TBC1D22A: variants seen among roughly 807,000 people sequenced by gnomAD.
TBC1D22A encodes the protein putative GTPase activator.
Under a neutral mutation model 60.2 loss-of-function variants are expected in TBC1D22A, and 38 were observed. The observed-to-expected ratio is 0.63, with a 90% CI of 0.49 to 0.83. TBC1D22A has a LOEUF of 0.83. Among genes scored for constraint, TBC1D22A ranks in the 40% least tolerant of loss-of-function variants. The pLI, the probability that TBC1D22A is intolerant of heterozygous loss-of-function variation, is 0.00. For missense variants in TBC1D22A, 628 were observed against 701.0 expected (o/e 0.90, Z 1.18); for synonymous variants, 302 against 281.7 (o/e 1.07, Z -0.72).
chr22:46,904,150 C>T (rs199848246), intron 7 of TBC1D22A, among the ~76,000 whole-genome samples: 8,393 of 74,120 alleles, frequency 0.11, 607 homozygotes, highest in African/African-American at 0.28. Context: ...TATCTACCTA[C>T]CTACCTACCT....
intron 4 of TBC1D22A, among the ~76,000 whole-genome samples, chr22:46,875,979 A>C (rs569329709): frequency 6.6e-6 from 1 of 152,162 alleles, no homozygotes; most frequent in African/African-American, 2.4e-5. Context: ...TGGCGCTCAC[A>C]GAAGAGATAA....
At chr22:46,773,864 G>A (rs2083590931) in intron 1 of TBC1D22A, 1 of 908,890 alleles carries the variant, frequency 1.1e-6, no homozygotes, top group Non-Finnish European at 1.3e-6. Context: ...AGGAAACTCA[G>A]AAGCTGAGCT....
chr22:47,130,741 T>C (rs1176916267), intron 12 of TBC1D22A, among the ~76,000 whole-genome samples: 3 of 152,178 alleles, frequency 2.0e-5, no homozygotes, highest in African/African-American at 7.2e-5. Context: ...ATCTCTAAGA[T>C]TTTTCTGTGG....
chr22:47,161,145 C>A (rs2067968667), intron 12 of TBC1D22A, among the ~76,000 whole-genome samples: 1 of 152,204 alleles, frequency 6.6e-6, no homozygotes, highest in African/African-American at 2.4e-5. Flanking sequence ...CCAGGAGAAA[C>A]CTCTAGAAAG....
chr22:47,093,420 C>T (rs1254452360), intron 11 of TBC1D22A, among the ~76,000 whole-genome samples: 1 of 152,082 alleles, frequency 6.6e-6, no homozygotes, highest in Non-Finnish European at 1.5e-5. Context: ...GGATCCTTGC[C>T]TCCCTGCAGG....
chr22:46,859,157 A>T (rs1370340379), intron 4 of TBC1D22A, among the ~76,000 whole-genome samples: 6 of 77,814 alleles, frequency 7.7e-5, no homozygotes, highest in African/African-American at 1.9e-4. Context: ...CCTTCCCGGG[A>T]CCAGAATCCT....
In TBC1D22A at chr22:47,095,590, G is replaced by A. The variant is rs1352272761; in HGVS notation, c.1330-15918G>A. Reference sequence around the variant, plus strand: ...CACAGAACGTGTAGTGCAGTGTTAAGAGAACTCATGTGGTAAGGCATCAGG... The same window carrying A: ...CACAGAACGTGTAGTGCAGTGTTAAAAGAACTCATGTGGTAAGGCATCAGG... On this transcript the variant is annotated intron_variant, in intron 11 of 12. Transcript: ENST00000337137. 2.6e-5 allele frequency among the ~76,000 whole-genome samples: 4 copies of A among 151,036 alleles called. No homozygotes were observed. The East Asian group carries it at 7.8e-4, about 29-fold the overall frequency.
chr22:47,093,261 C>T (rs1341022327), intron 11 of TBC1D22A, among the ~76,000 whole-genome samples: 1 of 152,204 alleles, frequency 6.6e-6, no homozygotes, highest in Non-Finnish European at 1.5e-5. Context: ...CCCTGTGATC[C>T]TGCGCCGAGT....
At chr22:47,130,899 A>C (rs1217087035) in intron 12 of TBC1D22A, among the ~76,000 whole-genome samples, 2 of 152,212 alleles carry the variant, frequency 1.3e-5, no homozygotes, top group Non-Finnish European at 2.9e-5. Context: ...TAAAGGAAAG[A>C]GGTGTATTTG....
At chr22:47,062,424 T>C (rs1446997526) in intron 11 of TBC1D22A, among the ~76,000 whole-genome samples, 1 of 152,230 alleles carries the variant, frequency 6.6e-6, no homozygotes, top group Non-Finnish European at 1.5e-5. Context: ...AGCACGTGGC[T>C]GTCTGGACAA....
chr22:47,110,103 G>A (rs1188138116), intron 11 of TBC1D22A, among the ~76,000 whole-genome samples: 1 of 152,120 alleles, frequency 6.6e-6, no homozygotes, highest in East Asian at 1.9e-4. Flanking sequence ...CCTCGCTTTT[G>A]GAACATTCCA....
At chr22:46,944,242 G>A (rs2072366817) in intron 8 of TBC1D22A, among the ~76,000 whole-genome samples, 1 of 152,186 alleles carries the variant, frequency 6.6e-6, no homozygotes, top group Non-Finnish European at 1.5e-5. Flanking sequence ...TGGGTATAAA[G>A]TGGTAGCTTG....
intron 6 of TBC1D22A, among the ~76,000 whole-genome samples, chr22:46,892,846 C>T (rs185400761): frequency 6.6e-6 from 1 of 152,260 alleles, no homozygotes; most frequent in East Asian, 1.9e-4. Context: ...AAAAAGGTTC[C>T]AGATTATTGT....
chr22:47,091,829 T>A (rs2064988892), intron 11 of TBC1D22A, among the ~76,000 whole-genome samples: 1 of 152,172 alleles, frequency 6.6e-6, no homozygotes, highest in Non-Finnish European at 1.5e-5. Context: ...GAATTTTCAG[T>A]TTAGTGTTCA....
At chr22:46,922,117 C>T (rs35938886) in intron 8 of TBC1D22A, among the ~76,000 whole-genome samples, 39,261 of 152,150 alleles carry the variant, frequency 0.26, 6,392 homozygotes, top group Middle Eastern at 0.43. Context: ...AACCAGTTAT[C>T]CCAGCACCAT....
At chr22:46,799,423 T>C (rs964985170) in intron 4 of TBC1D22A, among the ~76,000 whole-genome samples, 3 of 152,226 alleles carry the variant, frequency 2.0e-5, no homozygotes, top group Admixed American at 6.5e-5. Flanking sequence ...GCATATTTCC[T>C]AAGCACAAAG....
intron 11 of TBC1D22A, among the ~76,000 whole-genome samples, chr22:47,063,245 G>A (rs970408856): frequency 3.3e-5 from 5 of 152,218 alleles, no homozygotes; most frequent in Admixed American, 6.5e-5. Flanking sequence ...AAACCACCCC[G>A]GATGGCTCTG....
intron 12 of TBC1D22A, among the ~76,000 whole-genome samples, chr22:47,157,368 ACT>A (rs1361544418): frequency 6.6e-6 from 1 of 151,994 alleles, no homozygotes; most frequent in African/African-American, 2.4e-5. Flanking sequence ...GTGACTGCAG[ACT>A]CTGACACCGC....
intron 11 of TBC1D22A, among the ~76,000 whole-genome samples, chr22:47,103,865 C>T (rs777994079): frequency 6.6e-6 from 1 of 151,954 alleles, no homozygotes; most frequent in Admixed American, 6.6e-5. Context: ...TTTAATTAAC[C>T]GTATATATCA....
Sources: allele counts gnomAD v4.1 joint callset (sites outside exome capture counted in the v4.1 genomes callset), GRCh38; gene constraint gnomAD v4.1.1; transcripts MANE v1.5; gene names NCBI Gene and HGNC (gene_info 2026-07-23, HGNC 2026-07-21).